Variants in ASB12 observed in about 807,000 individuals in gnomAD.
ASB12 encodes the protein ankyrin repeat and SOCS box protein 12.
A neutral mutation model predicts 13.7 loss-of-function variants in ASB12; 17 were observed. The ratio of observed to expected loss-of-function variants is 1.24; its 90% CI spans 0.85 to 1.86. The LOEUF (loss-of-function observed/expected upper bound fraction) is 1.86, where lower values mean the gene tolerates loss of function less well. ASB12 is among the 40% of genes most tolerant of loss of function. The pLI, the probability that ASB12 is intolerant of heterozygous loss-of-function variation, is 0.00. For synonymous variants in ASB12, 107 were observed against 99.8 expected, an observed-to-expected ratio of 1.07 and a Z score of -0.43; for missense variants, 329 against 250.5, an observed-to-expected ratio of 1.31 and a Z score of -2.11.
intron 1 of ASB12, among the ~76,000 whole-genome samples, chrX:64,229,083 C>A (rs752234437): frequency 1.7e-4 from 19 of 111,649 alleles, no homozygotes; most frequent in Non-Finnish European, 3.0e-4. Context: ...TTGACTCCAG[C>A]AGTCACATTG....
rs1232709067 is a variant in ASB12, at chrX:64,224,381, A to T, written c.911T>A (p.Leu304Gln). The T allele has an allele frequency of 8.3e-7, 1 of 1,210,735 alleles. No individual in the cohort carries two copies. Among genetic ancestry groups the T allele is most frequent in the East Asian group, 3.0e-5 (1 of 33,801 alleles). Residue 304 changes from leucine (L) to glutamine (Q), a missense_variant, in exon 3 of 3, where the codon CTG becomes CAG. Leu to Gln is a moderately radical substitution (Grantham distance 113, BLOSUM62 -2). Coordinates refer to ENST00000362002, the MANE Select transcript of ASB12 (RefSeq NM_130388.4). ...GCTAATCAACATGGGAGGAATATCC[A>T]GCTGGTTGATGGCTTGTGGCTGGCC... Reference protein sequence around the residue: ...QAGQPQAINQLDIPPMLISYL... With the variant: ...QAGQPQAINQQDIPPMLISYL...
chrX:64,227,683 C>G (rs1308014145), intron 1 of ASB12, among the ~76,000 whole-genome samples: 2 of 111,936 alleles, frequency 1.8e-5, no homozygotes, highest in African/African-American at 6.5e-5. Flanking sequence ...CCAGCTCTCT[C>G]TTTAGCTCCA....
intron 1 of ASB12, among the ~76,000 whole-genome samples, chrX:64,229,531 T>C (rs1341182013): frequency 1.8e-5 from 2 of 112,430 alleles, no homozygotes; most frequent in African/African-American, 3.2e-5. Context: ...TAAACCTTTT[T>C]TTTTGTGATA....
At chrX:64,226,040 G>A (rs912117291) in intron 1 of ASB12, among the ~76,000 whole-genome samples, 2 of 112,546 alleles carry the variant, frequency 1.8e-5, no homozygotes, top group South Asian at 3.7e-4. Flanking sequence ...AAACTCCAGG[G>A]CAAGGACCCT....
At position 64,226,303 on chromosome X, in the gene ASB12, G is replaced by A. The variant is rs978158350; in HGVS notation, c.-24-629C>T. Among the ~76,000 whole-genome samples the A allele has an allele frequency of 2.7e-5, 3 of 112,444 alleles. No individual in the cohort carries two copies. The East Asian group carries it at 8.4e-4, about 31-fold the overall frequency. ...TCACAGCCCCTCATATATGACTAAAGCTCCCTCATCTGAGCCTTCTGTAAC... is the reference window on the plus strand; with the variant it reads ...TCACAGCCCCTCATATATGACTAAAACTCCCTCATCTGAGCCTTCTGTAAC... On this transcript the variant is annotated intron_variant, in intron 1 of 2. Transcript: ENST00000362002.
rs1930913558 is a variant in ASB12, at chrX:64,225,123, T to A, written c.528A>T (p.Ser176=). The part of the protein sequence containing the change: ...NVKAKLPVWA[S]NIASCSGPLY... ...GGGGGCCAGAACATGAAGCTATGTT[T>A]GATGCCCAGACTGGTAGTTTAGCTT... The change falls in exon 2 of 3, where the codon TCA becomes TCT. Residue 176 remains serine, a synonymous_variant. Transcript: ENST00000362002. 1 of 1,211,391 alleles carries A rather than the reference T, an allele frequency of 8.3e-7. No homozygotes were observed.
chrX:64,229,202 C>T (rs1321525244), intron 1 of ASB12, among the ~76,000 whole-genome samples: 2 of 111,750 alleles, frequency 1.8e-5, no homozygotes, highest in Non-Finnish European at 3.8e-5. Flanking sequence ...GGAATTCCCT[C>T]CTTAATATTT....
rs1602082160 is a variant in ASB12 at position 64,225,280 on chromosome X, A to C, written c.371T>G (p.Val124Gly). The C allele has an allele frequency of 8.3e-7, 1 of 1,211,111 alleles. No homozygotes were observed. The highest frequency in any genetic ancestry group is 1.1e-6 in the Non-Finnish European group (1 of 895,243). ...AGGAGAGGCACCAGCTTCCAAAAGC[A>C]CACGTACACAGTCCAGATGGCCATG... The part of the protein sequence containing the change: ...VSHGHLDCVR[V>G]LLEAGASPGG... Residue 124 changes from valine to glycine, a missense_variant, in exon 2 of 3, where the codon GTG becomes GGG. By Grantham distance (109) the Val-to-Gly change is moderately radical. Coordinates refer to ENST00000362002, the MANE Select transcript of ASB12 (RefSeq NM_130388.4).
chrX:64,229,635 T>A (rs1931017790), intron 1 of ASB12, among the ~76,000 whole-genome samples: 1 of 112,467 alleles, frequency 8.9e-6, no homozygotes, highest in Non-Finnish European at 1.9e-5. Context: ...ACCAATTATA[T>A]TAAAATGTGA....
At position 64,225,099 on chromosome X, in the gene ASB12, G is replaced by A; in HGVS notation, c.552C>T (p.Pro184=). ...WASNIASCSG[P]LYLAAVYGHL... is the part of the protein sequence containing the mutation. ...GCCCGTAGACTGCGGCCAAATAGAG[G>A]GGGCCAGAACATGAAGCTATGTTTG... Residue 184 remains proline (P), a synonymous_variant, in exon 2 of 3, where the codon CCC becomes CCT. Transcript: ENST00000362002. 1.7e-6 allele frequency: 2 copies of A among 1,211,448 alleles called. No homozygotes were observed. The highest frequency in any genetic ancestry group is 2.2e-6 in the Non-Finnish European group (2 of 895,465).
intron 1 of ASB12, among the ~76,000 whole-genome samples, chrX:64,229,839 A>G (rs770034112): frequency 3.6e-5 from 4 of 111,934 alleles, no homozygotes; most frequent in Non-Finnish European, 5.6e-5. Context: ...TGCTACTGCC[A>G]TTTGATACCT....
At chrX:64,225,894 T>G (rs1343193915) in intron 1 of ASB12, among the ~76,000 whole-genome samples, 2 of 112,257 alleles carry the variant, frequency 1.8e-5, no homozygotes, top group South Asian at 3.7e-4. Flanking sequence ...CTCTTCTGCC[T>G]ACCCCTCAAA....
In ASB12 at chrX:64,225,561, GTCCTCC is replaced by G; in HGVS notation, c.84_89del (p.Glu28_Glu29del). 1 of 1,208,371 alleles carries G rather than the reference GTCCTCC, an allele frequency of 8.3e-7. No individual in the cohort carries two copies. The highest frequency in any genetic ancestry group is 1.7e-5 in the African/African-American group (1 of 57,807). ...GAGCCTGCTTCTCCTCTGTGTCAGT[GTCCTCC>G]TCCTCCTTGTCGGGCTGCAGGAGGG... On this transcript the variant is annotated inframe_deletion, in exon 2 of 3. Coordinates refer to ENST00000362002, the MANE Select transcript of ASB12 (RefSeq NM_130388.4).
intron 1 of ASB12, among the ~76,000 whole-genome samples, chrX:64,229,089 C>T (rs1250556989): frequency 9.0e-6 from 1 of 111,712 alleles, no homozygotes; most frequent in Non-Finnish European, 1.9e-5. Context: ...CCAGCAGTCA[C>T]ATTGCAGCTC....
intron 1 of ASB12, among the ~76,000 whole-genome samples, chrX:64,227,356 A>T (rs1409211909): frequency 9.0e-6 from 1 of 111,496 alleles, no homozygotes; most frequent in Non-Finnish European, 1.9e-5. Flanking sequence ...ACCACCTTCC[A>T]TTCACTTGTC....
chrX:64,224,831 G>C lies in ASB12; in HGVS notation c.820C>G (p.Arg274Gly). Residue 274 changes from arginine (R) to glycine (G), a missense_variant, in exon 2 of 3, where the codon CGA becomes GGA. Coordinates refer to ENST00000362002, the MANE Select transcript of ASB12 (RefSeq NM_130388.4). ...DKGIALLLQA[R>G]ATPRSLLSQV... is the part of the protein sequence containing the mutation. ...GGCTGGCCTGTTCACCACTCACCTC[G>C]GGCCTGTAGCAGCAATGCAATGCCT... is the stretch of plus-strand genomic sequence containing the variant. 8.5e-7 allele frequency: 1 copy of C among 1,179,848 alleles called. No homozygotes were observed. The highest frequency in any genetic ancestry group is 1.1e-6 in the Non-Finnish European group (1 of 877,253).
At chrX:64,225,776 T>C (rs1930938703) in intron 1 of ASB12, 102 bp from the exon 2 acceptor site, 2 of 932,760 alleles carry the variant, frequency 2.1e-6, no homozygotes, top group African/African-American at 2.0e-5. Context: ...AGGCTACTCA[T>C]TCATGGGTCT....
At chrX:64,228,639 A>G (rs1490315963) in intron 1 of ASB12, among the ~76,000 whole-genome samples, 5 of 112,231 alleles carry the variant, frequency 4.5e-5, no homozygotes, top group Non-Finnish European at 9.4e-5. Context: ...TATTTTTACT[A>G]TGATGATGAT....
chrX:64,225,645 T>A lies in ASB12; in HGVS notation c.6A>T (p.Arg2Ser). Reference sequence around the variant, plus strand: ...TCATCTTGGCTAATTGGAGAACTATTCTCATTATGAGCACAAGGAAATGCC... The same window carrying A: ...TCATCTTGGCTAATTGGAGAACTATACTCATTATGAGCACAAGGAAATGCC... M[R>S]IVLQLAKMNL... Residue 2 changes from arginine to serine, a missense_variant, in exon 2 of 3, where the codon AGA becomes AGT. By Grantham distance (110) the Arg-to-Ser change is moderately radical. Transcript: ENST00000362002. The A allele has an allele frequency of 2.5e-6, 3 of 1,182,436 alleles. No individual in the cohort carries two copies. Among genetic ancestry groups the A allele is most frequent in the Non-Finnish European group, 3.4e-6 (3 of 879,971 alleles).
Sources: gnomAD v4.1 joint callset for allele counts (sites outside exome capture counted in the v4.1 genomes callset) on GRCh38, gnomAD v4.1.1 for gene constraint, MANE v1.5 for transcripts, NCBI Gene and HGNC (gene_info 2026-07-23, HGNC 2026-07-21) for gene names.